The following LRP2 variants were observed in gnomAD, a reference collection of about 807,000 sequenced individuals.
The protein encoded by LRP2 is LDL receptor related protein 2.
Under a neutral mutation model 531.0 loss-of-function variants are expected in LRP2, and 172 were observed. That is an observed-to-expected ratio of 0.32 (90% CI 0.29 to 0.37). The LOEUF (loss-of-function observed/expected upper bound fraction) is 0.37, where lower values mean the gene tolerates loss of function less well. Ranked by LOEUF, LRP2 falls within the 10% of genes least tolerant of loss-of-function variation. The pLI is 1.00. For synonymous variants in LRP2, 1,992 were observed against 2,027.6 expected (o/e 0.98, Z 0.47); for missense variants, 5,167 against 5,868.3 (o/e 0.88, Z 3.90).
chr2:169,320,577 T>G (rs889515829), intron 2 of LRP2, among the ~76,000 whole-genome samples, 200 bp downstream of exon 2: 2 of 152,196 alleles, frequency 1.3e-5, no homozygotes, highest in African/African-American at 2.4e-5. Flanking sequence ...TCAATGTGAA[T>G]TGAACCCCTA....
At chr2:169,281,711 C>G (rs888233300) in intron 10 of LRP2, among the ~76,000 whole-genome samples, 61 of 151,982 alleles carry the variant, frequency 4.0e-4, no homozygotes, top group African/African-American at 1.4e-3. Flanking sequence ...GAGCGAGACT[C>G]ATTCTCAAAA....
intron 1 of LRP2, among the ~76,000 whole-genome samples, chr2:169,332,504 C>T (rs1685293702): frequency 6.6e-6 from 1 of 152,126 alleles, no homozygotes; most frequent in South Asian, 2.1e-4. Context: ...CATCTTGCAT[C>T]CTAGCCTTGG....
At chr2:169,211,776 C>T (rs993136952) in intron 37 of LRP2, among the ~76,000 whole-genome samples, 192 bp downstream of exon 37, 6 of 152,122 alleles carry the variant, frequency 3.9e-5, no homozygotes, top group Admixed American at 1.3e-4. Flanking sequence ...GCTGTGTTGG[C>T]GTGAGCCCTC....
chr2:169,324,202 C>T (rs1448168735), intron 1 of LRP2, among the ~76,000 whole-genome samples: 1 of 152,140 alleles, frequency 6.6e-6, no homozygotes, highest in Non-Finnish European at 1.5e-5. Flanking sequence ...AATTCGGTAA[C>T]TTGCCCAAGA....
At chr2:169,193,153 G>A (rs1347163013) in intron 47 of LRP2, among the ~76,000 whole-genome samples, 3 of 152,176 alleles carry the variant, frequency 2.0e-5, no homozygotes, top group African/African-American at 4.8e-5. Context: ...ACCACTGGGT[G>A]CAGTGGCTCA....
intron 4 of LRP2, among the ~76,000 whole-genome samples, chr2:169,295,579 C>A (rs899608808): frequency 6.6e-6 from 1 of 152,156 alleles, no homozygotes; most frequent in Non-Finnish European, 1.5e-5. Flanking sequence ...GATGGTTGAT[C>A]TCTTTCCGCC....
intron 3 of LRP2, among the ~76,000 whole-genome samples, chr2:169,312,457 T>C (rs1189506220): frequency 2.6e-5 from 4 of 152,204 alleles, no homozygotes; most frequent in Non-Finnish European, 5.9e-5. Flanking sequence ...GTCCTTCACT[T>C]ATGAAGCTTA....
intron 6 of LRP2, among the ~76,000 whole-genome samples, chr2:169,293,168 C>T (rs530484599): frequency 6.6e-6 from 1 of 152,306 alleles, no homozygotes; most frequent in East Asian, 1.9e-4. Flanking sequence ...GGAGGGAAAT[C>T]ATACATTCTA....
rs1398049293 is a variant in LRP2 at position 169,146,743 on chromosome 2, C to T, written c.12807G>A (p.Lys4269=). 1.2e-6 allele frequency: 2 copies of T among 1,610,446 alleles called. No individual in the cohort carries two copies. Among genetic ancestry groups the T allele is most frequent in the Non-Finnish European group, 1.7e-6 (2 of 1,176,678 alleles). ...ACTTTCTAACTAATTTCTAACCTTC[C>T]TTTGCAATGACTCTCCTATCAGTCC... ...YDGTDRRVIA[K]EAMNPYSLDI... Residue 4269 remains lysine (K), a synonymous_variant, in exon 69 of 79, where the codon AAG becomes AAA. Transcript: ENST00000649046.
chr2:169,166,006 C>A lies in LRP2; in HGVS notation c.11684G>T (p.Arg3895Leu). ...SPNRFRCDNN[R>L]CIYSHEVCNG... is the part of the protein sequence containing the mutation. ...GCACACCTCATGACTATAAATGCAG[C>A]GATTGTTGTCACACCGGAAACGGTT... Residue 3895 changes from arginine (R) to leucine (L), a missense_variant, in exon 62 of 79, where the codon CGC becomes CTC. By Grantham distance (102) the Arg-to-Leu change is moderately radical. Around this residue, in one of 6 missense-constraint regions of LRP2, gnomAD observed 564 missense variants for 747.7 expected, o/e 0.75. Transcript: ENST00000649046. 1.2e-6 allele frequency: 2 copies of A among 1,614,000 alleles called. No homozygotes were observed. The highest frequency in any genetic ancestry group is 1.7e-6 in the Non-Finnish European group (2 of 1,179,928).
chr2:169,302,743 GT>G (rs71003076), intron 4 of LRP2, among the ~76,000 whole-genome samples: 17 of 147,986 alleles, frequency 1.1e-4, no homozygotes, highest in East Asian at 5.9e-4. Flanking sequence ...AGTGACCTGG[GT>G]TTTTTTTTTT....
rs774762424 is a variant in LRP2 at position 169,198,904 on chromosome 2, G to A, written c.8460C>T (p.Arg2820=). ...ATTTTGTGTATCCAGACTGGCAAGT[G>A]CGATCAGCTTGAAAAAGACAACCAG... is the stretch of plus-strand genomic sequence containing the variant. ...NTSDEKNCPD[R]TCQSGYTKCH... Residue 2820 remains arginine, a synonymous_variant, in exon 45 of 79, where the codon CGC becomes CGT. Transcript: ENST00000649046. 1 of 1,613,404 alleles carries A rather than the reference G, an allele frequency of 6.2e-7. No homozygotes were observed. The highest frequency in any genetic ancestry group is 8.5e-7 in the Non-Finnish European group (1 of 1,179,606).
intron 46 of LRP2, among the ~76,000 whole-genome samples, chr2:169,195,630 G>A (rs1227732622): frequency 6.6e-6 from 1 of 152,206 alleles, no homozygotes; most frequent in South Asian, 2.1e-4. Context: ...CCATAGAGAA[G>A]TTTAAAAACT....
In LRP2 at chr2:169,127,752, A is replaced by T. The variant is rs1574052348; in HGVS notation, c.*911T>A. ...CCAGTTGAGGCTTTACTTAACTGGT[A>T]TTTTTTTTTTTTGCACCTTATTTTA... On this transcript the variant is annotated 3_prime_UTR_variant, in exon 79 of 79. Coordinates refer to ENST00000649046, the MANE Select transcript of LRP2 (RefSeq NM_004525.3). 1 of 148,408 alleles carries T rather than the reference A, an allele frequency of 6.7e-6. No individual in the cohort carries two copies. Among genetic ancestry groups the T allele is most frequent in the Non-Finnish European group, 1.5e-5 (1 of 67,042 alleles). 9.2% of individuals were successfully genotyped at this position (148,408 alleles called of 1,614,324 possible).
chr2:169,198,513 A>T (rs1452429050), intron 45 of LRP2, among the ~76,000 whole-genome samples: 1 of 152,224 alleles, frequency 6.6e-6, no homozygotes, highest in Non-Finnish European at 1.5e-5. Context: ...TGAAGGCAAA[A>T]GGCTTTCAAC....
chr2:169,297,767 T>A (rs2673162), intron 4 of LRP2, among the ~76,000 whole-genome samples: 1 of 152,022 alleles, frequency 6.6e-6, no homozygotes, highest in African/African-American at 2.4e-5. Context: ...AGTTTGAAGA[T>A]CTTGTAGACC....
chr2:169,157,957 T>TAAATAAATAAATAAAA lies in LRP2; in HGVS notation c.11888-456_11888-455insTTTTATTTATTTATTT, dbSNP rs568534822. On this transcript the variant is annotated intron_variant, in intron 63 of 78. Transcript: ENST00000649046. ...ATAAATAAATAAATAAATAAATAAA[T>TAAATAAATAAATAAAA]AAAAGACATGGATACAGATAGGTTA... Among the ~76,000 whole-genome samples, 662 of 146,038 alleles carry TAAATAAATAAATAAAA rather than the reference T, an allele frequency of 4.5e-3. 4 individuals are homozygous for TAAATAAATAAATAAAA. The highest frequency in any genetic ancestry group is 7.1e-3 in the South Asian group (33 of 4,658).
chr2:169,291,460 G>T (rs1683997387), intron 7 of LRP2, among the ~76,000 whole-genome samples: 1 of 152,104 alleles, frequency 6.6e-6, no homozygotes. Context: ...ACCACTTTCT[G>T]GAACATAAAA....
At chr2:169,285,243 G>A (rs1022756037) in intron 9 of LRP2, among the ~76,000 whole-genome samples, 1 of 151,914 alleles carries the variant, frequency 6.6e-6, no homozygotes, top group Non-Finnish European at 1.5e-5. Context: ...GCTGCAGTGA[G>A]CGTGATAATG....
Sources: allele counts gnomAD v4.1 joint callset (sites outside exome capture counted in the v4.1 genomes callset), GRCh38; gene constraint gnomAD v4.1.1; regional missense constraint gnomAD v4.1.1; transcripts MANE v1.5; gene names NCBI Gene and HGNC (gene_info 2026-07-23, HGNC 2026-07-21).